Variants in SCAI observed in about 807,000 individuals in gnomAD.
The protein encoded by SCAI is protein SCAI.
SCAI carries 24 observed loss-of-function variants against 92.2 expected under a neutral mutation model. The observed-to-expected ratio is 0.26, with a 90% CI of 0.19 to 0.37. The LOEUF (loss-of-function observed/expected upper bound fraction) is 0.37. Ranked by LOEUF, SCAI falls within the 10% of genes least tolerant of loss-of-function variation. The probability of loss-of-function intolerance (pLI) is 1.00; values close to 1 mark genes in which losing one functional copy is unlikely to be tolerated. For missense variants in SCAI, 450 were observed against 736.2 expected, an observed-to-expected ratio of 0.61 and a Z score of 4.50; for synonymous variants, 261 against 258.6, an observed-to-expected ratio of 1.01 and a Z score of -0.09.
At chr9:125,142,743 C>T in intron 1 of SCAI, 66 bp from the exon 2 acceptor site, 2 of 1,436,808 alleles carry the variant, frequency 1.4e-6, no homozygotes, top group East Asian at 4.5e-5. Context: ...CCGGCGCTAC[C>T]GTGCCAGTCA....
intron 2 of SCAI, among the ~76,000 whole-genome samples, chr9:125,127,636 T>G (rs764060969): frequency 6.6e-6 from 1 of 152,226 alleles, no homozygotes; most frequent in Non-Finnish European, 1.5e-5. Flanking sequence ...AGTCAATTAA[T>G]GTACTAACCT....
At chr9:125,126,416 T>A (rs1307203575) in intron 2 of SCAI, among the ~76,000 whole-genome samples, 1 of 151,926 alleles carries the variant, frequency 6.6e-6, no homozygotes, top group East Asian at 1.9e-4. Context: ...TGTGTGTGTG[T>A]GTGTGTGAGA....
intron 15 of SCAI, among the ~76,000 whole-genome samples, chr9:124,973,475 A>C (rs1831697948): frequency 6.6e-6 from 1 of 152,160 alleles, no homozygotes; most frequent in Non-Finnish European, 1.5e-5. Flanking sequence ...AGGTGGGTGG[A>C]TCACTTGAGG....
intron 2 of SCAI, among the ~76,000 whole-genome samples, chr9:125,118,690 T>C (rs1835100505): frequency 6.6e-6 from 1 of 152,116 alleles, no homozygotes; most frequent in South Asian, 2.1e-4. Flanking sequence ...CCTGATGCTC[T>C]TCGTCCCCTC....
At chr9:124,986,939 C>T (rs1449448114) in intron 14 of SCAI, among the ~76,000 whole-genome samples, 2 of 152,308 alleles carry the variant, frequency 1.3e-5, no homozygotes, top group East Asian at 1.9e-4. Context: ...TTTTCACAGG[C>T]AGGGATCCAG....
intron 2 of SCAI, among the ~76,000 whole-genome samples, chr9:125,115,147 C>A (rs1192563006): frequency 6.6e-6 from 1 of 151,754 alleles, no homozygotes; most frequent in Admixed American, 6.6e-5. Context: ...CCGAGGTGGG[C>A]GGATCACGAG....
At chr9:125,142,100 GTTTTTGTTTTTTTAAT>G (rs1340505262) in intron 2 of SCAI, among the ~76,000 whole-genome samples, 2 of 152,018 alleles carry the variant, frequency 1.3e-5, no homozygotes, top group South Asian at 4.1e-4. Flanking sequence ...CAGCTAGTTG[GTTTTTGTTTTTTTAAT>G]TTTTTGTTTT....
intron 2 of SCAI, among the ~76,000 whole-genome samples, chr9:125,140,614 T>C (rs375333793): frequency 2.8e-5 from 4 of 145,270 alleles, no homozygotes; most frequent in African/African-American, 1.0e-4. Context: ...AGCACTTTAG[T>C]AGGCCAAGGT....
At chr9:124,954,466 T>A (rs1372386539) in intron 17 of SCAI, among the ~76,000 whole-genome samples, 1 of 152,188 alleles carries the variant, frequency 6.6e-6, no homozygotes, top group Admixed American at 6.5e-5. Context: ...CACTGAAACA[T>A]CACAGCAATC....
chr9:125,108,934 A>C (rs989452283), intron 2 of SCAI, among the ~76,000 whole-genome samples: 20 of 152,340 alleles, frequency 1.3e-4, no homozygotes, highest in Admixed American at 3.9e-4. Flanking sequence ...AAATGTGGGG[A>C]AAAGATAGAG....
chr9:125,131,148 G>A lies in SCAI; in HGVS notation c.98+11485C>T, dbSNP rs536953321. Among the ~76,000 whole-genome samples, 4 of 151,800 alleles carry A rather than the reference G, an allele frequency of 2.6e-5. No homozygotes were observed. The East Asian group carries it at 7.7e-4, about 29-fold the overall frequency. Reference sequence around the variant, plus strand: ...GCACTGGGCGCAGTGGCTCACGCCTGTAATCCAAACACTTTGGGAGGCCGA... The same window carrying A: ...GCACTGGGCGCAGTGGCTCACGCCTATAATCCAAACACTTTGGGAGGCCGA... On this transcript the variant is annotated intron_variant, in intron 2 of 17. Transcript: ENST00000336505.
At chr9:125,126,492 G>A (rs1588245534) in intron 2 of SCAI, among the ~76,000 whole-genome samples, 1 of 142,798 alleles carries the variant, frequency 7.0e-6, no homozygotes, top group African/African-American at 2.6e-5. Context: ...ATGCAAGGCA[G>A]AAGCCAGTTT....
intron 2 of SCAI, among the ~76,000 whole-genome samples, chr9:125,073,055 A>G (rs1327816907): frequency 6.7e-6 from 1 of 149,662 alleles, no homozygotes; most frequent in East Asian, 2.0e-4. Flanking sequence ...TAAACCTAGA[A>G]GTAGAATTGC....
intron 2 of SCAI, among the ~76,000 whole-genome samples, chr9:125,093,894 G>T (rs143831316): frequency 1.9e-4 from 29 of 152,036 alleles, no homozygotes; most frequent in African/African-American, 6.0e-4. Context: ...CTACACACTG[G>T]ACTTCTCCCC....
chr9:124,972,151 G>A (rs767401892), intron 15 of SCAI, among the ~76,000 whole-genome samples: 7 of 152,130 alleles, frequency 4.6e-5, no homozygotes, highest in Non-Finnish European at 7.4e-5. Flanking sequence ...TATCTTGATA[G>A]AATTCTCTGA....
intron 17 of SCAI, among the ~76,000 whole-genome samples, chr9:124,967,390 T>C (rs898511173): frequency 2.0e-5 from 3 of 151,814 alleles, no homozygotes; most frequent in Non-Finnish European, 2.9e-5. Flanking sequence ...GCTCAGGGAG[T>C]TTGGGAAACT....
chr9:125,073,893 T>C (rs548764182), intron 2 of SCAI, among the ~76,000 whole-genome samples: 1 of 152,274 alleles, frequency 6.6e-6, no homozygotes, highest in African/African-American at 2.4e-5. Flanking sequence ...CAGGCTTCTA[T>C]TCTTCCTATT....
chr9:125,003,809 A>T (rs1194272322), intron 9 of SCAI: 2 of 463,798 alleles, frequency 4.3e-6, no homozygotes, highest in Middle Eastern at 6.0e-4. Flanking sequence ...TTGCTTTTTC[A>T]CATACCTCTC....
chr9:124,991,942 G>C (rs1239280754), intron 14 of SCAI, among the ~76,000 whole-genome samples: 1 of 152,094 alleles, frequency 6.6e-6, no homozygotes, highest in African/African-American at 2.4e-5. Flanking sequence ...TTAGAGATAC[G>C]GTGTTGCTCT....
Sources: gnomAD v4.1 joint callset for allele counts (sites outside exome capture counted in the v4.1 genomes callset) on GRCh38, gnomAD v4.1.1 for gene constraint, MANE v1.5 for transcripts, NCBI Gene and HGNC (gene_info 2026-07-23, HGNC 2026-07-21) for gene names.